Variants in C12orf42 observed in about 807,000 individuals in gnomAD.
C12orf42 encodes uncharacterized protein C12orf42.
In C12orf42, 25 loss-of-function variants were observed where a neutral mutation model predicts 21.6. The ratio of observed to expected loss-of-function variants is 1.16; its 90% CI spans 0.84 to 1.62. The LOEUF is 1.62. Among genes scored for constraint, C12orf42 ranks in the 40% most tolerant of loss-of-function variants. The pLI is 0.00. For synonymous variants in C12orf42, 174 were observed against 175.0 expected (o/e 0.99, Z 0.05); for missense variants, 483 against 459.3 (o/e 1.05, Z -0.47).
At chr12:103,478,869 G>C (rs1565893261) in intron 1 of C12orf42, among the ~76,000 whole-genome samples, 2 of 151,986 alleles carry the variant, frequency 1.3e-5, no homozygotes. Flanking sequence ...TTTATACATT[G>C]TTTTAAAACA....
At chr12:103,154,402 A>T in the C12orf42 span, among the ~76,000 whole-genome samples, 5 of 152,198 alleles carry the variant, frequency 3.3e-5, no homozygotes, top group Non-Finnish European at 7.4e-5. Flanking sequence ...GAAGCAGTTC[A>T]GGTACCCATC....
the C12orf42 span, chr12:103,504,754 C>A: frequency 6.5e-6 from 1 of 153,678 alleles, no homozygotes; most frequent in South Asian, 1.9e-4. Flanking sequence ...TGAAAAAAGC[C>A]TGGACATTGC....
At chr12:103,263,892 T>A (rs11111508), downstream of C12orf42, among the ~76,000 whole-genome samples, 3 of 152,076 alleles carry the variant, frequency 2.0e-5, no homozygotes, top group Non-Finnish European at 4.4e-5. Flanking sequence ...CCTTCACTTA[T>A]GTGCTTTAAC....
Position 103,466,653 on chromosome 12 carries a change from C to T in C12orf42, c.78+11696G>A, listed in dbSNP as rs184962806. On this transcript the variant is annotated intron_variant, in intron 2 of 5. Transcript: ENST00000548883. ...TCATATAATGTTTTAAAACATTACC[C>T]CATGTGGTACACTGATTGCATTTAG... Among the ~76,000 whole-genome samples the T allele has an allele frequency of 4.2e-3, 637 of 152,222 alleles. 3 individuals are homozygous for T. The highest frequency in any genetic ancestry group is 5.2e-3 in the Non-Finnish European group (355 of 68,004).
intron 2 of C12orf42, among the ~76,000 whole-genome samples, chr12:103,462,984 G>A (rs952955198): frequency 2.0e-5 from 3 of 152,168 alleles, no homozygotes; most frequent in African/African-American, 4.8e-5. Context: ...GTGTAATTCA[G>A]CAAAACGCTT....
chr12:103,434,435 TCCCAG>T lies in C12orf42; in HGVS notation c.79-32765_79-32761del, dbSNP rs1438984114. On this transcript the variant is annotated intron_variant, in intron 2 of 5. Coordinates refer to ENST00000548883, the MANE Select transcript of C12orf42 (RefSeq NM_198521.5). The stretch of plus-strand genomic sequence containing the variant: ...AATAGGAACAGCTCCGGTCTACAGC[TCCCAG>T]CGTGAGGGACGCAGAGGACGGGTGA... Among the ~76,000 whole-genome samples the T allele has an allele frequency of 2.0e-5, 3 of 152,118 alleles. No individual in the cohort carries two copies. The East Asian group carries it at 5.8e-4, about 29-fold the overall frequency.
chr12:103,419,462 T>G (rs2049668863), intron 2 of C12orf42, among the ~76,000 whole-genome samples: 1 of 151,854 alleles, frequency 6.6e-6, no homozygotes, highest in African/African-American at 2.4e-5. Context: ...AGGAGATGGG[T>G]GACGAGACAG....
chr12:103,554,909 C>A, the C12orf42 span, among the ~76,000 whole-genome samples: 2 of 152,096 alleles, frequency 1.3e-5, no homozygotes, highest in Admixed American at 1.3e-4. Context: ...GACACAGAGC[C>A]AAACCATATC....
At chr12:103,137,359 GA>G in the C12orf42 span, among the ~76,000 whole-genome samples, 6,222 of 129,316 alleles carry the variant, frequency 0.048, 175 homozygotes, top group Non-Finnish European at 0.072. Flanking sequence ...TTTTTAAAAA[GA>G]AAAAAAAAAA....
At chr12:103,500,817 TGAA>T (rs1955700901), upstream of C12orf42, among the ~76,000 whole-genome samples, 1 of 152,218 alleles carries the variant, frequency 6.6e-6, no homozygotes, top group African/African-American at 2.4e-5. Context: ...TATGTCAAAT[TGAA>T]GTGATACTGC....
At chr12:103,176,259 A>G in the C12orf42 span, among the ~76,000 whole-genome samples, 1 of 152,184 alleles carries the variant, frequency 6.6e-6, no homozygotes, top group African/African-American at 2.4e-5. Flanking sequence ...TACATCGTAT[A>G]AAAATGTCTG....
intron 2 of C12orf42, among the ~76,000 whole-genome samples, chr12:103,403,158 G>A (rs1341826596): frequency 6.6e-6 from 1 of 152,036 alleles, no homozygotes; most frequent in East Asian, 1.9e-4. Context: ...GGCGGATCAC[G>A]AGGTCAGGAG....
chr12:103,329,922 GTAT>G (rs1214435155), intron 4 of C12orf42, among the ~76,000 whole-genome samples: 5 of 151,664 alleles, frequency 3.3e-5, no homozygotes, highest in African/African-American at 1.2e-4. Flanking sequence ...TGACATATCT[GTAT>G]TATAACTATA....
chr12:103,501,252 A>G, the C12orf42 span, among the ~76,000 whole-genome samples: 3 of 152,204 alleles, frequency 2.0e-5, no homozygotes, highest in African/African-American at 7.2e-5. Context: ...TTGTCAGGCA[A>G]AGGAGGTTTG....
At chr12:103,228,118 G>T in the C12orf42 span, among the ~76,000 whole-genome samples, 1 of 152,122 alleles carries the variant, frequency 6.6e-6, no homozygotes, top group Non-Finnish European at 1.5e-5. Flanking sequence ...ATGTGCGTCC[G>T]TGTGAAGAGA....
the C12orf42 span, among the ~76,000 whole-genome samples, chr12:103,519,951 A>G: frequency 2.0e-5 from 3 of 152,196 alleles, no homozygotes; most frequent in Non-Finnish European, 4.4e-5. Flanking sequence ...GACAAAGGAC[A>G]TTGGACTCTG....
At position 103,319,402 on chromosome 12, in the gene C12orf42, C is replaced by A. The variant is rs76500008; in HGVS notation, c.260-13057G>T. Among the ~76,000 whole-genome samples the A allele has an allele frequency of 2.8e-3, 425 of 152,186 alleles. 3 individuals are homozygous for A. Among genetic ancestry groups the A allele is most frequent in the Middle Eastern group, 3.4e-3 (1 of 294 alleles). On this transcript the variant is annotated intron_variant, in intron 4 of 5. Coordinates refer to ENST00000548883, the MANE Select transcript of C12orf42 (RefSeq NM_198521.5). Reference sequence around the variant, plus strand: ...ATTGAAAAAGAAATCCAGGCTACCCCCAACCCTAGTCTTTGTTGAAGGGAT... The same window carrying A: ...ATTGAAAAAGAAATCCAGGCTACCCACAACCCTAGTCTTTGTTGAAGGGAT...
chr12:103,443,606 G>T (rs1951402566), intron 2 of C12orf42, among the ~76,000 whole-genome samples: 1 of 151,970 alleles, frequency 6.6e-6, no homozygotes, highest in Admixed American at 6.6e-5. Context: ...TTTTCAATTA[G>T]CAATAATTCA....
At chr12:103,210,446 C>T in the C12orf42 span, among the ~76,000 whole-genome samples, 3 of 152,116 alleles carry the variant, frequency 2.0e-5, no homozygotes, top group African/African-American at 7.2e-5. Flanking sequence ...TTTTCTACCA[C>T]TTGCCTCTCT....
Sources: gnomAD v4.1 joint callset for allele counts (sites outside exome capture counted in the v4.1 genomes callset) on GRCh38, gnomAD v4.1.1 for gene constraint, MANE v1.5 for transcripts, NCBI Gene and HGNC (gene_info 2026-07-23, HGNC 2026-07-21) for gene names.